Variants in KHDRBS2 observed in about 807,000 individuals in gnomAD.
The protein encoded by KHDRBS2 is KH domain-containing, RNA-binding, signal transduction-associated protein 2.
A neutral mutation model predicts 44.3 loss-of-function variants in KHDRBS2; 26 were observed. The observed-to-expected ratio is 0.59, with a 90% CI of 0.43 to 0.81. The LOEUF is 0.81. KHDRBS2 is among the 40% of genes least tolerant of loss of function. The pLI, the probability that KHDRBS2 is intolerant of heterozygous loss-of-function variation, is 0.00. For missense variants in KHDRBS2, 476 were observed against 433.1 expected, an observed-to-expected ratio of 1.10 and a Z score of -0.88; for synonymous variants, 194 against 151.1, an observed-to-expected ratio of 1.28 and a Z score of -2.08.
chr6:61,635,221 C>T, the KHDRBS2 span, among the ~76,000 whole-genome samples: 5 of 151,778 alleles, frequency 3.3e-5, no homozygotes, highest in Non-Finnish European at 1.5e-5. Flanking sequence ...ATAAGTATAC[C>T]AGCCCATTGG....
the KHDRBS2 span, among the ~76,000 whole-genome samples, chr6:61,601,894 C>T: frequency 6.6e-6 from 1 of 152,136 alleles, no homozygotes; most frequent in African/African-American, 2.4e-5. Context: ...GAAATTCCCT[C>T]TTAAAAAGGT....
intron 4 of KHDRBS2, among the ~76,000 whole-genome samples, chr6:61,954,454 T>C (rs1176075874): frequency 1.5e-5 from 2 of 135,966 alleles, no homozygotes; most frequent in Admixed American, 7.8e-5. Flanking sequence ...TATACGTATG[T>C]ATGTATGTAT....
chr6:61,743,617 TTA>T (rs1167720057), intron 6 of KHDRBS2, among the ~76,000 whole-genome samples: 1 of 152,104 alleles, frequency 6.6e-6, no homozygotes, highest in Non-Finnish European at 1.5e-5. Context: ...TGTTTTATCC[TTA>T]TTTTATTTTT....
intron 4 of KHDRBS2, among the ~76,000 whole-genome samples, chr6:61,916,827 G>T (rs1180175230): frequency 1.3e-5 from 2 of 151,872 alleles, no homozygotes; most frequent in African/African-American, 2.4e-5. Context: ...TGTATGAAAA[G>T]ATGCTCAAAA....
chr6:61,777,194 T>G lies in KHDRBS2; in HGVS notation c.811-44430A>C, dbSNP rs189186934. ...AGGAGATACACCTAATGCTAAATGA[T>G]GAGTTAATGGGTGCAGCACACCAAC... is the stretch of plus-strand genomic sequence containing the variant. On this transcript the variant is annotated intron_variant, in intron 6 of 8. Coordinates refer to ENST00000281156, the MANE Select transcript of KHDRBS2 (RefSeq NM_152688.4). Among the ~76,000 whole-genome samples, 758 of 152,134 alleles carry G rather than the reference T, an allele frequency of 5.0e-3. 6 individuals are homozygous for G. Among genetic ancestry groups the G allele is most frequent in the African/African-American group, 0.018 (731 of 41,514 alleles).
chr6:62,121,924 G>T (rs1160122812), intron 2 of KHDRBS2, among the ~76,000 whole-genome samples: 1 of 152,134 alleles, frequency 6.6e-6, no homozygotes, highest in East Asian at 1.9e-4. Context: ...GCCTTCTAAG[G>T]CGAAGGATAA....
chr6:61,592,487 A>G, the KHDRBS2 span, among the ~76,000 whole-genome samples: 2 of 152,134 alleles, frequency 1.3e-5, no homozygotes, highest in African/African-American at 4.8e-5. Context: ...GGTGGAGTTC[A>G]TCTTTCCTAG....
At chr6:61,901,183 A>G in intron 5 of KHDRBS2, 61 bp downstream of exon 5, 1 of 1,543,120 alleles carries the variant, frequency 6.5e-7, no homozygotes, top group Non-Finnish European at 8.9e-7. Flanking sequence ...ATCATGACAT[A>G]AAGCAGGACA....
intron 6 of KHDRBS2, among the ~76,000 whole-genome samples, chr6:61,776,535 A>T (rs1330083350): frequency 6.6e-6 from 1 of 152,214 alleles, no homozygotes; most frequent in South Asian, 2.1e-4. Context: ...ACACATGAAA[A>T]AATGCTCACC....
In KHDRBS2 at chr6:61,959,000, T is replaced by A. The variant is rs957556353; in HGVS notation, c.483+19066A>T. Among the ~76,000 whole-genome samples, 3 of 152,312 alleles carry A rather than the reference T, an allele frequency of 2.0e-5. No homozygotes were observed. In the East Asian group the frequency reaches 5.8e-4, roughly 29 times the overall value. ...GAACAATGCACTTCAGTATCAATGG[T>A]GCCACTACAACCTCAACTGGTGTCA... On this transcript the variant is annotated intron_variant, in intron 4 of 8. Coordinates refer to ENST00000281156, the MANE Select transcript of KHDRBS2 (RefSeq NM_152688.4).
chr6:62,114,340 G>C (rs1196164206), intron 2 of KHDRBS2, among the ~76,000 whole-genome samples: 2 of 152,068 alleles, frequency 1.3e-5, no homozygotes, highest in African/African-American at 2.4e-5. Flanking sequence ...AGTTAATAGG[G>C]CTGTGAGTTG....
intron 6 of KHDRBS2, among the ~76,000 whole-genome samples, chr6:61,882,746 T>C (rs1272685928): frequency 6.6e-6 from 1 of 152,040 alleles, no homozygotes; most frequent in Non-Finnish European, 1.5e-5. Flanking sequence ...GCCTCTATTT[T>C]CCACTAAATA....
rs183683310 is a variant in KHDRBS2 at position 62,269,195 on chromosome 6, G to T, written c.91+16663C>A. On this transcript the variant is annotated intron_variant, in intron 1 of 8. Coordinates refer to ENST00000281156, the MANE Select transcript of KHDRBS2 (RefSeq NM_152688.4). ...ACTCTGTGACCTTGATATAGGCAAA[G>T]ATTTCTTAGAGAGGACACACATAGG... Among the ~76,000 whole-genome samples, 8 of 152,140 alleles carry T rather than the reference G, an allele frequency of 5.3e-5. No individual in the cohort carries two copies. In the East Asian group the frequency reaches 1.5e-3, roughly 29 times the overall value.
At chr6:62,012,804 C>T (rs1272205128) in intron 3 of KHDRBS2, among the ~76,000 whole-genome samples, 1 of 152,156 alleles carries the variant, frequency 6.6e-6, no homozygotes, top group Non-Finnish European at 1.5e-5. Flanking sequence ...CACACGGAAG[C>T]ATTTTAGTAA....
intron 1 of KHDRBS2, among the ~76,000 whole-genome samples, chr6:62,264,151 C>T (rs1388097158): frequency 6.6e-6 from 1 of 151,678 alleles, no homozygotes; most frequent in Admixed American, 6.6e-5. Flanking sequence ...TTTATGAGCA[C>T]CTGAAATTAT....
At chr6:61,631,290 C>T in the KHDRBS2 span, among the ~76,000 whole-genome samples, 1 of 98,900 alleles carries the variant, frequency 1.0e-5, no homozygotes, top group African/African-American at 3.9e-5. Flanking sequence ...TTACAGGGGA[C>T]ACAGACGAAT....
chr6:61,676,446 C>T (rs1024615356), downstream of KHDRBS2, among the ~76,000 whole-genome samples: 1 of 151,690 alleles, frequency 6.6e-6, no homozygotes, highest in African/African-American at 2.4e-5. Flanking sequence ...TCTCTTTTTC[C>T]TGGCTTGGAT....
chr6:62,155,534 G>A (rs1451819483), intron 2 of KHDRBS2, among the ~76,000 whole-genome samples: 1 of 152,180 alleles, frequency 6.6e-6, no homozygotes, highest in Non-Finnish European at 1.5e-5. Context: ...AAGGGACCTA[G>A]GTCAAGATCT....
At chr6:61,937,021 T>C (rs1811149886) in intron 4 of KHDRBS2, among the ~76,000 whole-genome samples, 1 of 152,028 alleles carries the variant, frequency 6.6e-6, no homozygotes, top group Non-Finnish European at 1.5e-5. Context: ...AACAATAAAT[T>C]GGCCCCATTT....
Sources: gnomAD v4.1 joint callset for allele counts (sites outside exome capture counted in the v4.1 genomes callset) on GRCh38, gnomAD v4.1.1 for gene constraint, MANE v1.5 for transcripts, NCBI Gene and HGNC (gene_info 2026-07-23, HGNC 2026-07-21) for gene names.